TTLL7: variants seen among roughly 807,000 people sequenced by gnomAD.
TTLL7 encodes tubulin polyglutamylase TTLL7.
TTLL7 carries 53 observed loss-of-function variants against 120.2 expected under a neutral mutation model. The ratio of observed to expected loss-of-function variants is 0.44; its 90% CI spans 0.35 to 0.55. TTLL7 has a LOEUF of 0.55. Ranked by LOEUF, TTLL7 falls within the 20% of genes least tolerant of loss-of-function variation. The pLI, the probability that TTLL7 is intolerant of heterozygous loss-of-function variation, is 0.00. For missense variants in TTLL7, 803 were observed against 1,054.7 expected (o/e 0.76, Z 3.31); for synonymous variants, 353 against 351.7 (o/e 1.00, Z -0.04).
At chr1:83,969,821 A>G (rs1402644051) in intron 1 of TTLL7, among the ~76,000 whole-genome samples, 1 of 152,004 alleles carries the variant, frequency 6.6e-6, no homozygotes, top group Non-Finnish European at 1.5e-5. Flanking sequence ...GAAAATGAAG[A>G]TCTTTCACTG....
At chr1:83,929,305 C>A in intron 9 of TTLL7, 75 bp from the exon 10 acceptor site, 1 of 1,122,900 alleles carries the variant, frequency 8.9e-7, no homozygotes, top group Non-Finnish European at 1.3e-6. Context: ...AATGTGGGAT[C>A]TCTAGCCAGT....
Position 83,960,235 on chromosome 1 carries a change from T to C in TTLL7, c.-176-7848A>G, listed in dbSNP as rs531140727. On this transcript the variant is annotated intron_variant, in intron 1 of 20. Coordinates refer to ENST00000260505, the MANE Select transcript of TTLL7 (RefSeq NM_024686.6). ...GTCTGATCCTGACTCATAAGCAATG[T>C]GAAGTCACTGAAGGACTCTAAGAGG... Among the ~76,000 whole-genome samples the C allele has an allele frequency of 3.9e-5, 6 of 152,282 alleles. No homozygotes were observed. The Middle Eastern group carries it at 0.014, about 345-fold the overall frequency.
At chr1:83,927,650 T>C (rs1455976427) in intron 10 of TTLL7, among the ~76,000 whole-genome samples, 3 of 152,170 alleles carry the variant, frequency 2.0e-5, no homozygotes, top group African/African-American at 4.8e-5. Context: ...ATTTAGGTTC[T>C]TGAGCAGAAA....
At chr1:83,934,750 T>C (rs1033939542) in intron 8 of TTLL7, among the ~76,000 whole-genome samples, 1 of 152,158 alleles carries the variant, frequency 6.6e-6, no homozygotes, top group Non-Finnish European at 1.5e-5. Context: ...GGCTCTAAAA[T>C]AGGCTTCTTA....
intron 14 of TTLL7, among the ~76,000 whole-genome samples, chr1:83,913,630 G>T (rs1265930047): frequency 6.6e-6 from 1 of 152,174 alleles, no homozygotes; most frequent in African/African-American, 2.4e-5. Flanking sequence ...AAGTTATAAA[G>T]ATTCTTCTAC....
intron 6 of TTLL7, among the ~76,000 whole-genome samples, chr1:83,945,112 T>C (rs1462245276): frequency 1.3e-5 from 2 of 152,138 alleles, no homozygotes. Context: ...ACAAGACACA[T>C]AAATCAAGTG....
At position 83,870,071 on chromosome 1, in the gene TTLL7, G is replaced by A. The variant is rs1265309973; in HGVS notation, c.2555C>T (p.Pro852Leu). The change falls in exon 21 of 21, where the codon CCA (proline) becomes CTA (leucine). Residue 852 changes from proline to leucine, a missense_variant. Pro to Leu is a moderately conservative substitution (Grantham distance 98, BLOSUM62 -3). Coordinates refer to ENST00000260505, the MANE Select transcript of TTLL7 (RefSeq NM_024686.6). The part of the protein sequence containing the change: ...PDWGNSRYLL[P>L]GSTQFFLRTP... ...TCTCAAGAAGAATTGGGTGCTCCCTGGTAGTAAATACCTAAAAATGATGGT... is the reference window on the plus strand; with the variant it reads ...TCTCAAGAAGAATTGGGTGCTCCCTAGTAGTAAATACCTAAAAATGATGGT... 6.4e-7 allele frequency: 1 copy of A among 1,554,952 alleles called. No homozygotes were observed. The highest frequency in any genetic ancestry group is 8.6e-7 in the Non-Finnish European group (1 of 1,159,492).
At chr1:83,916,299 T>C (rs1412705239) in intron 14 of TTLL7, among the ~76,000 whole-genome samples, 1 of 152,130 alleles carries the variant, frequency 6.6e-6, no homozygotes, top group Non-Finnish European at 1.5e-5. Context: ...CACCATGGAA[T>C]ACTATGCAGC....
At chr1:83,993,779 T>C (rs544672165) in intron 1 of TTLL7, among the ~76,000 whole-genome samples, 1 of 152,324 alleles carries the variant, frequency 6.6e-6, no homozygotes, top group Admixed American at 6.5e-5. Context: ...AATTTACTTA[T>C]CACTCACCAT....
At chr1:83,986,080 A>G (rs1652411720) in intron 1 of TTLL7, among the ~76,000 whole-genome samples, 2 of 152,218 alleles carry the variant, frequency 1.3e-5, no homozygotes, top group Admixed American at 1.3e-4. Flanking sequence ...TAGTACTCTG[A>G]CAACCAAAAC....
chr1:83,912,672 A>C (rs891623279), intron 14 of TTLL7, among the ~76,000 whole-genome samples: 3 of 152,194 alleles, frequency 2.0e-5, no homozygotes, highest in African/African-American at 7.2e-5. Context: ...GAGTGAGCCA[A>C]AAAGCATGAT....
intron 12 of TTLL7, 38 bp from the exon 13 acceptor site, chr1:83,919,872 A>C: frequency 6.3e-7 from 1 of 1,593,092 alleles, no homozygotes; most frequent in East Asian, 2.2e-5. Context: ...TTTAAAAAGA[A>C]GCTGTCGTAG....
intron 18 of TTLL7, among the ~76,000 whole-genome samples, chr1:83,896,491 G>A (rs759191893): frequency 7.9e-5 from 12 of 152,028 alleles, no homozygotes; most frequent in Non-Finnish European, 1.3e-4. Flanking sequence ...AGGTGAAGGC[G>A]GTTTAGAAAT....
At chr1:83,965,711 A>G (rs1650397278) in intron 1 of TTLL7, among the ~76,000 whole-genome samples, 1 of 152,130 alleles carries the variant, frequency 6.6e-6, no homozygotes, top group Non-Finnish European at 1.5e-5. Flanking sequence ...TACATTCTGC[A>G]TTCTCTACAG....
chr1:83,916,745 T>G (rs1658223240), intron 14 of TTLL7, among the ~76,000 whole-genome samples: 1 of 152,006 alleles, frequency 6.6e-6, no homozygotes, highest in African/African-American at 2.4e-5. Context: ...AAATCCAAGA[T>G]TTTTCTAATT....
intron 9 of TTLL7, among the ~76,000 whole-genome samples, chr1:83,931,454 T>C (rs1335478878): frequency 6.6e-6 from 1 of 152,042 alleles, no homozygotes; most frequent in Non-Finnish European, 1.5e-5. Flanking sequence ...GCTCAGGTGT[T>C]TCTTCTGTAA....
intron 8 of TTLL7, among the ~76,000 whole-genome samples, chr1:83,935,216 T>A (rs2100827037): frequency 6.6e-6 from 1 of 152,200 alleles, no homozygotes; most frequent in East Asian, 1.9e-4. Context: ...TCACCAATAT[T>A]ACTGAAACCA....
At chr1:83,889,795 G>C in intron 19 of TTLL7, 2 of 381,600 alleles carry the variant, frequency 5.2e-6, no homozygotes, top group Non-Finnish European at 1.1e-5. Context: ...AATAGGATTT[G>C]GCAAATGACT....
rs1463946807 is a variant in TTLL7, at chr1:83,866,483, T to C, written c.*3479A>G. 4 of 151,870 alleles carry C rather than the reference T, an allele frequency of 2.6e-5. 1 individual carries two copies. Among genetic ancestry groups the C allele is most frequent in the South Asian group, 4.1e-4 (2 of 4,832 alleles). 9.4% of individuals were successfully genotyped at this position (151,870 alleles called of 1,614,324 possible). A position where few individuals can be genotyped will look rare whatever the true frequency, so the allele number is the denominator to read the frequency against. ...TAGAAGCTACTATTATCTAGTTGGG[T>C]ATAACTATTAGATGAAAAGAAGTTT... On this transcript the variant is annotated 3_prime_UTR_variant, in exon 21 of 21. Transcript: ENST00000260505.
Sources: gnomAD v4.1 joint callset for allele counts (sites outside exome capture counted in the v4.1 genomes callset) on GRCh38, gnomAD v4.1.1 for gene constraint, MANE v1.5 for transcripts, NCBI Gene and HGNC (gene_info 2026-07-23, HGNC 2026-07-21) for gene names.